The following MERTK variants were observed in gnomAD, a reference collection of about 807,000 sequenced individuals.
MERTK encodes MER proto-oncogene, tyrosine kinase.
MERTK carries 69 observed loss-of-function variants against 99.3 expected under a neutral mutation model. The observed-to-expected ratio is 0.70, with a 90% confidence interval of 0.57 to 0.85. The LOEUF is 0.85. Among genes scored for constraint, MERTK ranks in the 40% least tolerant of loss-of-function variants. The pLI is 0.00. For synonymous variants in MERTK, 426 were observed against 467.6 expected, an observed-to-expected ratio of 0.91 and a Z score of 1.15; for missense variants, 1,125 against 1,249.4, an observed-to-expected ratio of 0.90 and a Z score of 1.50.
chr2:111,994,871 ACTG>A (rs1485183528), intron 9 of MERTK, among the ~76,000 whole-genome samples: 3 of 152,342 alleles, frequency 2.0e-5, no homozygotes, highest in Non-Finnish European at 4.4e-5. Flanking sequence ...GCTTTACAGA[ACTG>A]CTGATACCCA....
intron 4 of MERTK, among the ~76,000 whole-genome samples, chr2:111,964,039 C>CTTTTTTTTTTTT (rs1553451938): frequency 2.5e-5 from 1 of 40,478 alleles, no homozygotes; most frequent in African/African-American, 9.2e-5. Flanking sequence ...CAAAAATTTT[C>CTTTTTTTTTTTT]TTTCTTTTTT....
At chr2:112,014,039 T>TG (rs1360388059) in intron 15 of MERTK, among the ~76,000 whole-genome samples, 42 of 146,410 alleles carry the variant, frequency 2.9e-4, no homozygotes, top group African/African-American at 9.5e-4. Context: ...TTTTTTTTTT[T>TG]GAGACAGAGT....
intron 1 of MERTK, among the ~76,000 whole-genome samples, chr2:111,925,836 T>A (rs1347089665): frequency 6.1e-5 from 2 of 32,664 alleles, no homozygotes; most frequent in Non-Finnish European, 1.4e-4. Context: ...TTTTTTTTAA[T>A]TTTTTTTTTT....
At chr2:111,941,727 G>C (rs948054775) in intron 2 of MERTK, among the ~76,000 whole-genome samples, 8 of 151,882 alleles carry the variant, frequency 5.3e-5, no homozygotes, top group Non-Finnish European at 1.2e-4. Context: ...GAAAATCTTT[G>C]CTGTAATATA....
chr2:111,943,542 TAAAATA>T (rs1684902754), intron 2 of MERTK, among the ~76,000 whole-genome samples: 1 of 151,872 alleles, frequency 6.6e-6, no homozygotes, highest in Non-Finnish European at 1.5e-5. Flanking sequence ...CCATCTAAAA[TAAAATA>T]AAATAAAATG....
intron 1 of MERTK, among the ~76,000 whole-genome samples, chr2:111,926,249 G>A (rs1198880436): frequency 6.6e-6 from 1 of 152,118 alleles, no homozygotes; most frequent in Non-Finnish European, 1.5e-5. Context: ...ACCAATGAAG[G>A]TATAATTTGC....
Position 112,021,564 on chromosome 2 carries a change from A to G in MERTK, c.2332A>G (p.Thr778Ala), listed in dbSNP as rs1677351514. ...AIESLADRVYTSKSDVWAFGV... is the reference protein window; with the variant it reads ...AIESLADRVYASKSDVWAFGV... ...AGAAAGTCTTGCAGACCGAGTCTAC[A>G]CAAGTAAAAGTGATGTGGTATGTAC... Residue 778 changes from threonine to alanine, a missense_variant, in exon 17 of 19, where the codon ACA (threonine) becomes GCA (alanine). Physicochemically the swap from Thr to Ala is moderately conservative, Grantham distance 58. Transcript: ENST00000295408. 2 of 1,613,626 alleles carry G rather than the reference A, an allele frequency of 1.2e-6. No individual in the cohort carries two copies. Among genetic ancestry groups the G allele is most frequent in the Non-Finnish European group, 1.7e-6 (2 of 1,179,700 alleles).
In MERTK at chr2:112,008,389, A is replaced by G. The variant is rs755221937; in HGVS notation, c.1874A>G (p.Asn625Ser). Residue 625 changes from asparagine (N) to serine (S), a missense_variant, in exon 14 of 19, where the codon AAC becomes AGC. Asn to Ser is a conservative substitution (Grantham distance 46). Transcript: ENST00000295408. ...TTTCTATTTTCTCCTCTAGTGGACAACTCTTCACAGCGGGAGATCGAGGAG... is the reference window on the plus strand; with the variant it reads ...TTTCTATTTTCTCCTCTAGTGGACAGCTCTTCACAGCGGGAGATCGAGGAG... ...KVAVKTMKLD[N>S]SSQREIEEFL... 18 of 1,613,072 alleles carry G rather than the reference A, an allele frequency of 1.1e-5. No individual in the cohort carries two copies. In the East Asian group the frequency reaches 2.9e-4, roughly 26 times the overall value.
chr2:111,997,384 C>A lies in MERTK; in HGVS notation c.1512C>A (p.Ile504=). 1 of 1,614,174 alleles carries A rather than the reference C, an allele frequency of 6.2e-7. No individual in the cohort carries two copies. The highest frequency in any genetic ancestry group is 1.1e-5 in the South Asian group (1 of 91,088). The part of the protein sequence containing the change: ...PAPGNADPVL[I]IFGCFCGFIL... ...CTGGCAACGCAGATCCTGTGCTCATCATCTTTGGCTGCTTTTGTGGATTTA... is the reference window on the plus strand; with the variant it reads ...CTGGCAACGCAGATCCTGTGCTCATAATCTTTGGCTGCTTTTGTGGATTTA... The change falls in exon 10 of 19, where the codon ATC becomes ATA. Residue 504 remains isoleucine, a synonymous_variant. Coordinates refer to ENST00000295408, the MANE Select transcript of MERTK (RefSeq NM_006343.3).
chr2:111,967,047 C>T (rs951803689), intron 5 of MERTK, among the ~76,000 whole-genome samples: 2 of 152,160 alleles, frequency 1.3e-5, no homozygotes, highest in South Asian at 2.1e-4. Context: ...GTAGATAGGG[C>T]GTGTGTAGCT....
chr2:111,985,160 A>G (rs1573620372), intron 8 of MERTK, among the ~76,000 whole-genome samples: 1 of 152,198 alleles, frequency 6.6e-6, no homozygotes, highest in Non-Finnish European at 1.5e-5. Flanking sequence ...GTGCCCTTCC[A>G]ATGACTTTGC....
At chr2:111,925,288 A>ATT (rs1684536740) in intron 1 of MERTK, among the ~76,000 whole-genome samples, 13 of 37,164 alleles carry the variant, frequency 3.5e-4, no homozygotes, top group East Asian at 2.1e-3. Flanking sequence ...ATATATATAT[A>ATT]TATATTTTTT....
At chr2:111,963,649 G>C (rs559903154) in intron 4 of MERTK, among the ~76,000 whole-genome samples, 2 of 152,350 alleles carry the variant, frequency 1.3e-5, no homozygotes, top group South Asian at 4.1e-4. Context: ...AGTTGACACA[G>C]CACATGTTTC....
chr2:111,988,268 G>C (rs940732173), intron 8 of MERTK, among the ~76,000 whole-genome samples: 1 of 152,150 alleles, frequency 6.6e-6, no homozygotes, highest in Non-Finnish European at 1.5e-5. Context: ...ATTTGAACTG[G>C]TGTTGTCTTA....
At chr2:111,967,415 A>T (rs1446418703) in intron 5 of MERTK, among the ~76,000 whole-genome samples, 1 of 152,188 alleles carries the variant, frequency 6.6e-6, no homozygotes, top group African/African-American at 2.4e-5. Context: ...AATTATTATT[A>T]TGAATTAAAT....
intron 6 of MERTK, among the ~76,000 whole-genome samples, chr2:111,969,910 C>G (rs949401308): frequency 2.6e-5 from 4 of 152,068 alleles, no homozygotes; most frequent in African/African-American, 7.2e-5. Flanking sequence ...CCAGGATGGT[C>G]TCCATCTCCT....
At chr2:111,984,906 G>A (rs1476866675) in intron 8 of MERTK, among the ~76,000 whole-genome samples, 1 of 152,188 alleles carries the variant, frequency 6.6e-6, no homozygotes, top group Non-Finnish European at 1.5e-5. Flanking sequence ...CATCCACAAT[G>A]TTTATTTGGA....
At chr2:112,001,394 G>A (rs144768635) in intron 11 of MERTK, 108 bp downstream of exon 11, 3 of 905,106 alleles carry the variant, frequency 3.3e-6, no homozygotes, top group Admixed American at 3.7e-5. Flanking sequence ...AAGAAGAATG[G>A]ATATTTTTAA....
rs975818925 is a variant in MERTK, at chr2:111,903,705, A to G, written c.61+4909A>G. ...CTATGCCTCTGGGGACTGGAATGAA[A>G]GTGTTAACCGGGACTGGCTTCTGGG... is the stretch of plus-strand genomic sequence containing the variant. On this transcript the variant is annotated intron_variant, in intron 1 of 18. Coordinates refer to ENST00000295408, the MANE Select transcript of MERTK (RefSeq NM_006343.3). 5.9e-5 allele frequency among the ~76,000 whole-genome samples: 9 copies of G among 152,312 alleles called. 1 individual carries two copies. The highest frequency in any genetic ancestry group is 2.2e-4 in the African/African-American group (9 of 41,584).
Sources: allele counts gnomAD v4.1 joint callset (sites outside exome capture counted in the v4.1 genomes callset), GRCh38; gene constraint gnomAD v4.1.1; transcripts MANE v1.5; gene names NCBI Gene and HGNC (gene_info 2026-07-23, HGNC 2026-07-21).